Variants in TAF12 observed in about 807,000 individuals in gnomAD.
TAF12 encodes TATA-box binding protein associated factor 12.
Under a neutral mutation model 20.8 loss-of-function variants are expected in TAF12, and 3 were observed. That is an observed-to-expected ratio of 0.14 (90% CI 0.07 to 0.37). The LOEUF is 0.37. TAF12 is among the 10% of genes least tolerant of loss of function. The probability of loss-of-function intolerance (pLI) is 1.00; values close to 1 mark genes in which losing one functional copy is unlikely to be tolerated. For synonymous variants in TAF12, 69 were observed against 70.2 expected, an observed-to-expected ratio of 0.98 and a Z score of 0.09; for missense variants, 131 against 197.9, an observed-to-expected ratio of 0.66 and a Z score of 2.03.
intron 4 of TAF12, among the ~76,000 whole-genome samples, 178 bp from the exon 5 acceptor site, chr1:28,605,638 T>C (rs1666642048): frequency 6.6e-6 from 1 of 152,154 alleles, no homozygotes; most frequent in African/African-American, 2.4e-5. Context: ...TTCTTTTTTT[T>C]TGGAGACAGG....
chr1:28,603,908 C>CT (rs199949896), intron 5 of TAF12, among the ~76,000 whole-genome samples: 29,352 of 143,616 alleles, frequency 0.2, 3,562 homozygotes, highest in Middle Eastern at 0.31. Context: ...TTCTTTCTTT[C>CT]TTTTTTTTTT....
At chr1:28,612,446 T>A (rs9426387) in intron 4 of TAF12, among the ~76,000 whole-genome samples, 40,164 of 145,360 alleles carry the variant, frequency 0.28, 6,270 homozygotes, top group Non-Finnish European at 0.36. Context: ...ATCAAAAAAA[T>A]ATATATATAT....
intron 1 of TAF12, among the ~76,000 whole-genome samples, chr1:28,641,935 T>C (rs182175241): frequency 5.9e-5 from 9 of 152,228 alleles, no homozygotes; most frequent in Middle Eastern, 3.4e-3. Flanking sequence ...TAACTAACCA[T>C]TGCCTCACTG....
Position 28,617,995 on chromosome 1 carries a change from T to TCTTA in TAF12, c.200_203dup (p.Arg68SerfsTer7). On this transcript the variant is annotated frameshift_variant, in exon 3 of 6. Coordinates refer to ENST00000373824, the MANE Select transcript of TAF12 (RefSeq NM_005644.4). LOFTEE classifies it high-confidence loss of function. ...CCAACTGCTCATTAGGATCCACTTC[T>TCTTA]CTTACTAAGTCCTGTAATTTCTTCT... The TCTTA allele has an allele frequency of 6.2e-7, 1 of 1,614,020 alleles. No homozygotes were observed. The highest frequency in any genetic ancestry group is 8.5e-7 in the Non-Finnish European group (1 of 1,179,956).
At chr1:28,633,786 C>T (rs1246198871) in intron 1 of TAF12, among the ~76,000 whole-genome samples, 1 of 151,920 alleles carries the variant, frequency 6.6e-6, no homozygotes, top group African/African-American at 2.4e-5. Flanking sequence ...GTGGTGCATG[C>T]CTGTAATCCC....
chr1:28,624,374 A>C (rs925321890), intron 1 of TAF12, among the ~76,000 whole-genome samples: 1 of 152,184 alleles, frequency 6.6e-6, no homozygotes, highest in Non-Finnish European at 1.5e-5. Flanking sequence ...AAAAGTTGGC[A>C]ATATAAATGT....
intron 1 of TAF12, among the ~76,000 whole-genome samples, chr1:28,634,558 AC>A (rs1160372938): frequency 1.3e-5 from 2 of 151,976 alleles, no homozygotes; most frequent in African/African-American, 4.8e-5. Flanking sequence ...TGGAAAGTCC[AC>A]CCCCCAGTGA....
intron 1 of TAF12, among the ~76,000 whole-genome samples, chr1:28,626,119 C>T (rs1426307923): frequency 6.6e-6 from 1 of 151,818 alleles, no homozygotes; most frequent in Non-Finnish European, 1.5e-5. Flanking sequence ...GCTGGGATTA[C>T]AGGCGCACAC....
chr1:28,603,353 T>G lies in TAF12; in HGVS notation c.*186A>C. 3.5e-6 allele frequency: 2 copies of G among 576,382 alleles called. No individual in the cohort carries two copies. The highest frequency in any genetic ancestry group is 3.0e-6 in the Non-Finnish European group (1 of 328,332). 35.7% of individuals were successfully genotyped at this position (576,382 alleles called of 1,614,324 possible). ...GATGGCAGGGAAAAGGGACCGGAAG[T>G]TGGGGTAGGAGGCTTTATTCTTTTG... is the stretch of plus-strand genomic sequence containing the variant. On this transcript the variant is annotated 3_prime_UTR_variant, in exon 6 of 6. Coordinates refer to ENST00000373824, the MANE Select transcript of TAF12 (RefSeq NM_005644.4).
intron 1 of TAF12, among the ~76,000 whole-genome samples, chr1:28,638,787 ATTTTTTTTTT>A (rs759099050): frequency 9.8e-6 from 1 of 101,846 alleles, no homozygotes; most frequent in Non-Finnish European, 2.0e-5. Flanking sequence ...CACCTGGCCT[ATTTTTTTTTT>A]TTTTTTTTTT....
At chr1:28,615,848 C>T (rs921938900) in intron 3 of TAF12, among the ~76,000 whole-genome samples, 1 of 152,124 alleles carries the variant, frequency 6.6e-6, no homozygotes, top group African/African-American at 2.4e-5. Flanking sequence ...GGACAAATTA[C>T]TCTGAAGTAA....
At chr1:28,614,241 C>T (rs764136130) in intron 3 of TAF12, among the ~76,000 whole-genome samples, 6 of 150,376 alleles carry the variant, frequency 4.0e-5, no homozygotes, top group African/African-American at 7.3e-5. Context: ...TGTCTCAAAA[C>T]AAAAAACCAA....
intron 1 of TAF12, among the ~76,000 whole-genome samples, chr1:28,624,395 T>C (rs973649018): frequency 2.6e-5 from 4 of 152,174 alleles, no homozygotes; most frequent in Non-Finnish European, 5.9e-5. Context: ...CTACTGTATC[T>C]ATCCTACTCT....
intron 4 of TAF12, among the ~76,000 whole-genome samples, chr1:28,607,658 C>A (rs1000454110): frequency 6.6e-6 from 1 of 151,736 alleles, no homozygotes; most frequent in South Asian, 2.1e-4. Flanking sequence ...GGTGACAGAG[C>A]GAGACTCCAT....
At chr1:28,631,216 C>T (rs1667607910) in intron 1 of TAF12, among the ~76,000 whole-genome samples, 1 of 151,166 alleles carries the variant, frequency 6.6e-6, no homozygotes, top group South Asian at 2.1e-4. Flanking sequence ...AAATAACAAC[C>T]CAATTTAGAA....
Position 28,603,484 on chromosome 1 carries a change from C to T in TAF12, c.*55G>A. ...AATCCAAGGATGAGATGGCTGAGTTCTCAGCTCAAGTATCTCCAAATACAT... is the reference window on the plus strand; with the variant it reads ...AATCCAAGGATGAGATGGCTGAGTTTTCAGCTCAAGTATCTCCAAATACAT... On this transcript the variant is annotated 3_prime_UTR_variant, in exon 6 of 6. Coordinates refer to ENST00000373824, the MANE Select transcript of TAF12 (RefSeq NM_005644.4). The T allele has an allele frequency of 6.3e-7, 1 of 1,596,018 alleles. No homozygotes were observed. Among genetic ancestry groups the T allele is most frequent in the Non-Finnish European group, 8.6e-7 (1 of 1,165,746 alleles).
At chr1:28,637,534 G>A (rs7416245) in intron 1 of TAF12, among the ~76,000 whole-genome samples, 30,771 of 151,774 alleles carry the variant, frequency 0.2, 3,844 homozygotes, top group Middle Eastern at 0.31. Flanking sequence ...GCATTGTGGC[G>A]CGCGCTTATA....
At chr1:28,629,659 G>A (rs1239494013) in intron 1 of TAF12, among the ~76,000 whole-genome samples, 1 of 152,020 alleles carries the variant, frequency 6.6e-6, no homozygotes, top group Non-Finnish European at 1.5e-5. Flanking sequence ...TTGTTTGTTT[G>A]CAGAGATAGG....
intron 1 of TAF12, among the ~76,000 whole-genome samples, chr1:28,635,376 G>C (rs1475069160): frequency 7.2e-6 from 1 of 139,282 alleles, no homozygotes; most frequent in East Asian, 2.2e-4. Context: ...CGCAATCTTG[G>C]CTCACTGCCA....
Sources: gnomAD v4.1 joint callset for allele counts (sites outside exome capture counted in the v4.1 genomes callset) on GRCh38, gnomAD v4.1.1 for gene constraint, MANE v1.5 for transcripts, NCBI Gene and HGNC (gene_info 2026-07-23, HGNC 2026-07-21) for gene names.